The following STAT3 variants were observed in gnomAD, a reference collection of about 807,000 sequenced individuals.
STAT3 encodes the protein signal transducer and activator of transcription 3.
In STAT3, 7 loss-of-function variants were observed where a neutral mutation model predicts 114.3. The observed-to-expected ratio is 0.06, with a 90% CI of 0.03 to 0.11. The LOEUF (loss-of-function observed/expected upper bound fraction) is 0.11, where lower values mean the gene tolerates loss of function less well. Among genes scored for constraint, STAT3 ranks in the 10% least tolerant of loss-of-function variants. The pLI is 1.00. For missense variants in STAT3, 364 were observed against 960.9 expected (o/e 0.38, Z 8.21); for synonymous variants, 331 against 354.5 (o/e 0.93, Z 0.74).
intron 1 of STAT3, among the ~76,000 whole-genome samples, chr17:42,353,918 G>C (rs1230297568): frequency 1.3e-5 from 2 of 152,074 alleles, no homozygotes; most frequent in Admixed American, 1.3e-4. Context: ...AAATGCAGAG[G>C]CATCACAGTC....
At position 42,333,698 on chromosome 17, in the gene STAT3, C is replaced by T. The variant is rs1249457196; in HGVS notation, c.1024G>A (p.Gly342Ser). ...HPDRPLVIKT[G>S]VQFTTKVRLL... is the part of the protein sequence containing the mutation. ...CTGACTTTAGTAGTGAACTGGACGC[C>T]GGTCTTGATGACGAGGGGCCGGTCA... The change falls in exon 10 of 24, where the codon GGC becomes AGC. Residue 342 changes from glycine to serine, a missense_variant. Physicochemically the swap from Gly to Ser is moderately conservative, Grantham distance 56. This residue lies in a region of STAT3 where 294 missense variants were observed against 745.1 expected (regional missense o/e 0.39). Coordinates refer to ENST00000264657, the MANE Select transcript of STAT3 (RefSeq NM_139276.3). The surrounding 1 kb of genome is among the most constrained non-coding windows in gnomAD (Gnocchi z 5.2). 3.7e-6 allele frequency: 6 copies of T among 1,614,004 alleles called. No homozygotes were observed. Among genetic ancestry groups the T allele is most frequent in the Non-Finnish European group, 5.1e-6 (6 of 1,180,032 alleles).
intron 4 of STAT3, 52 bp from the exon 5 acceptor site, chr17:42,339,461 A>T: frequency 5.2e-6 from 8 of 1,538,850 alleles, no homozygotes; most frequent in African/African-American, 1.4e-5. Flanking sequence ...TGGGGAGAGG[A>T]ATACCTCTAC....
At chr17:42,359,655 C>T (rs770863487) in intron 1 of STAT3, among the ~76,000 whole-genome samples, 2 of 152,096 alleles carry the variant, frequency 1.3e-5, no homozygotes, top group East Asian at 1.9e-4. Flanking sequence ...AGAAGCCAGG[C>T]GCTGTTTTAA....
rs762891098 is a variant in STAT3, at chr17:42,337,566, C to T, written c.666G>A (p.Ala222=). 1.1e-5 allele frequency: 18 copies of T among 1,614,098 alleles called. No individual in the cohort carries two copies. Among genetic ancestry groups the T allele is most frequent in the East Asian group, 4.5e-5 (2 of 44,898 alleles). ...QMRRSIVSEL[A]GLLSAMEYVQ... ...CGTACTCCATCGCTGACAAAAGCCCCGCCAGCTCACTCACGATGCTCTGGT... is the reference window on the plus strand; with the variant it reads ...CGTACTCCATCGCTGACAAAAGCCCTGCCAGCTCACTCACGATGCTCTGGT... Residue 222 remains alanine, a synonymous_variant, in exon 8 of 24, where the codon GCG becomes GCA. Coordinates refer to ENST00000264657, the MANE Select transcript of STAT3 (RefSeq NM_139276.3). The surrounding 1 kb of genome is among the most constrained non-coding windows in gnomAD (Gnocchi z 4.0).
At chr17:42,377,782 T>G (rs748446682) in intron 1 of STAT3, among the ~76,000 whole-genome samples, 1 of 152,200 alleles carries the variant, frequency 6.6e-6, no homozygotes, top group Non-Finnish European at 1.5e-5. Flanking sequence ...TAATCTTTCC[T>G]AGGCAAAGAG....
chr17:42,314,116 T>G lies in STAT3; in HGVS notation c.*1629A>C, dbSNP rs1170594807. The G allele has an allele frequency of 8.6e-6, 2 of 232,094 alleles. No individual in the cohort carries two copies. Among genetic ancestry groups the G allele is most frequent in the African/African-American group, 4.4e-5 (2 of 45,246 alleles). 14.4% of individuals were successfully genotyped at this position (232,094 alleles called of 1,614,324 possible). A position where few individuals can be genotyped will look rare whatever the true frequency, so the allele number is the denominator to read the frequency against. On this transcript the variant is annotated 3_prime_UTR_variant, in exon 24 of 24. Transcript: ENST00000264657. ...CGGGCAGGCGGGGAGGCCCTCTAGC[T>G]GTTCTGCCTCACCTGTGGGGCCCCA... is the stretch of plus-strand genomic sequence containing the variant.
At chr17:42,319,656 C>T (rs988135467) in intron 21 of STAT3, among the ~76,000 whole-genome samples, 4 of 151,372 alleles carry the variant, frequency 2.6e-5, no homozygotes, top group South Asian at 4.2e-4. Context: ...ACCTCTCCCT[C>T]AAGCCATAAG....
At chr17:42,370,868 C>G (rs1402237284) in intron 1 of STAT3, among the ~76,000 whole-genome samples, 1 of 151,856 alleles carries the variant, frequency 6.6e-6, no homozygotes, top group Non-Finnish European at 1.5e-5. Flanking sequence ...CTTGGCCTCC[C>G]AAAGTTCTGG....
intron 1 of STAT3, among the ~76,000 whole-genome samples, chr17:42,371,730 C>G (rs2084156420): frequency 6.7e-6 from 1 of 150,106 alleles, no homozygotes; most frequent in Non-Finnish European, 1.5e-5. Flanking sequence ...GCCTGTAATC[C>G]TAACACTTTG....
At chr17:42,371,742 G>A (rs1360843838) in intron 1 of STAT3, among the ~76,000 whole-genome samples, 2 of 151,514 alleles carry the variant, frequency 1.3e-5, no homozygotes, top group Non-Finnish European at 2.9e-5. Flanking sequence ...AACACTTTGG[G>A]AAGCTGAGGC....
At chr17:42,348,688 T>G (rs2082807054) in intron 1 of STAT3, 149 bp from the exon 2 acceptor site, 1 of 982,256 alleles carries the variant, frequency 1.0e-6, no homozygotes, top group Admixed American at 2.5e-5. Flanking sequence ...CAGTTTATTT[T>G]ATTTTTAAAA....
intron 1 of STAT3, among the ~76,000 whole-genome samples, chr17:42,376,052 G>A (rs2145311663): frequency 6.6e-6 from 1 of 151,626 alleles, no homozygotes; most frequent in South Asian, 2.1e-4. Context: ...TCGGGAGGCT[G>A]AGGCAGGAGA....
chr17:42,323,177 G>A, intron 19 of STAT3, 34 bp from the exon 20 acceptor site: 1 of 1,614,198 alleles, frequency 6.2e-7, no homozygotes, highest in South Asian at 1.1e-5. Context: ...TGTTGTTATT[G>A]CTAACAGGGC....
In STAT3 at chr17:42,332,527, G is replaced by A. The variant is rs1369007936; in HGVS notation, c.1050-996C>T. ...CACTCTAGCCTGGGTGATAGAGAAA[G>A]ACTCCATCTCAAAAAAAAAAAAAAA... On this transcript the variant is annotated intron_variant, in intron 10 of 23. Transcript: ENST00000264657. 6.7e-5 allele frequency among the ~76,000 whole-genome samples: 7 copies of A among 105,026 alleles called. No homozygotes were observed. The East Asian group carries it at 1.9e-3, about 29-fold the overall frequency. The allele number at this position is 105,026 out of a possible 152,430, so 68.9% of individuals were successfully genotyped here. A position where few individuals can be genotyped will look rare whatever the true frequency, so the allele number is the denominator to read the frequency against.
Position 42,388,426 on chromosome 17 carries a change from G to A in STAT3, c.-171C>T, listed in dbSNP as rs2145438677. 1 of 1,231,832 alleles carries A rather than the reference G, an allele frequency of 8.1e-7. No homozygotes were observed. The highest frequency in any genetic ancestry group is 1.0e-6 in the Non-Finnish European group (1 of 988,034). The allele number at this position is 1,231,832 out of a possible 1,614,324, so 76.3% of individuals were successfully genotyped here. A position where few individuals can be genotyped will look rare whatever the true frequency, so the allele number is the denominator to read the frequency against. On this transcript the variant is annotated 5_prime_UTR_variant, in exon 1 of 24. Coordinates refer to ENST00000264657, the MANE Select transcript of STAT3 (RefSeq NM_139276.3). ...CCTGTCCAGGATCCGGTTGGGGCTT[G>A]TTCCCTCGGCTGCGACGTCGGAACC...
At chr17:42,386,627 A>C (rs1398199469) in intron 1 of STAT3, among the ~76,000 whole-genome samples, 4 of 152,058 alleles carry the variant, frequency 2.6e-5, no homozygotes, top group African/African-American at 9.7e-5. Flanking sequence ...CAACTCCTGG[A>C]CTCAAGGAAT....
At chr17:42,376,715 G>A (rs948912158) in intron 1 of STAT3, among the ~76,000 whole-genome samples, 3 of 146,322 alleles carry the variant, frequency 2.1e-5, no homozygotes, top group East Asian at 2.1e-4. Context: ...GCATTGTGAC[G>A]GGCGCCTGTA....
At chr17:42,384,036 T>C (rs533004024) in intron 1 of STAT3, among the ~76,000 whole-genome samples, 1 of 152,298 alleles carries the variant, frequency 6.6e-6, no homozygotes, top group Admixed American at 6.5e-5. Flanking sequence ...TTAACCAGCA[T>C]CAGGCAATCA....
At chr17:42,342,624 G>A (rs2082493255) in intron 4 of STAT3, among the ~76,000 whole-genome samples, 1 of 152,088 alleles carries the variant, frequency 6.6e-6, no homozygotes, top group Non-Finnish European at 1.5e-5. Context: ...CATTTTACAT[G>A]TATGAATTAA....
Sources: gnomAD v4.1 joint callset for allele counts (sites outside exome capture counted in the v4.1 genomes callset) on GRCh38, gnomAD v4.1.1 for gene constraint, gnomAD v4.1.1 regional missense constraint, Gnocchi (gnomAD v3.1) non-coding constraint, MANE v1.5 for transcripts, NCBI Gene and HGNC (gene_info 2026-07-23, HGNC 2026-07-21) for gene names.